SMIM13: variants seen among roughly 807,000 people sequenced by gnomAD.
SMIM13 encodes UPF0766 protein C6orf228.
A neutral mutation model predicts 5.9 loss-of-function variants in SMIM13; 3 were observed. That is an observed-to-expected ratio of 0.51 (90% CI 0.23 to 1.31). SMIM13 has a LOEUF of 1.31. Among genes scored for constraint, SMIM13 ranks in the 40% most tolerant of loss-of-function variants. SMIM13 has a pLI of 0.18. For synonymous variants in SMIM13, 55 were observed against 46.0 expected, an observed-to-expected ratio of 1.19 and a Z score of -0.79; for missense variants, 85 against 109.9, an observed-to-expected ratio of 0.77 and a Z score of 1.01.
At chr6:11,125,294 TAAAA>T (rs34260357) in intron 1 of SMIM13, among the ~76,000 whole-genome samples, 1 of 105,192 alleles carries the variant, frequency 9.5e-6, no homozygotes. Context: ...GACTCCATCT[TAAAA>T]AAAAAAAAAA....
chr6:11,104,348 A>T, intron 1 of SMIM13: 1 of 1,551,766 alleles, frequency 6.4e-7, no homozygotes, highest in South Asian at 1.2e-5. Context: ...CTGGGGTTAC[A>T]TAGCCTATGG....
Position 11,135,166 on chromosome 6 carries a change from T to G in SMIM13, c.*564T>G, listed in dbSNP as rs1758503281. The G allele has an allele frequency of 6.6e-6, 1 of 152,592 alleles. No homozygotes were observed. The highest frequency in any genetic ancestry group is 2.1e-4 in the South Asian group (1 of 4,830). The allele number at this position is 152,592 out of a possible 1,614,324, so 9.5% of individuals were successfully genotyped here. A position where few individuals can be genotyped will look rare whatever the true frequency, so the allele number is the denominator to read the frequency against. On this transcript the variant is annotated 3_prime_UTR_variant, in exon 2 of 2. Coordinates refer to ENST00000416247, the MANE Select transcript of SMIM13 (RefSeq NM_001135575.2). ...AGCATTGAAACGAAAAGTTATTGTG[T>G]ATGCAGAAAAGCATGGAAACAGAGC...
At chr6:11,119,378 G>T (rs1178062085) in intron 1 of SMIM13, among the ~76,000 whole-genome samples, 1 of 152,090 alleles carries the variant, frequency 6.6e-6, no homozygotes, top group East Asian at 1.9e-4. Context: ...CCTCGGGCCG[G>T]GCTCGGTGGC....
Position 11,133,525 on chromosome 6 carries a change from CAG to C in SMIM13, c.77-875_77-874del, listed in dbSNP as rs980321103. 3.9e-5 allele frequency among the ~76,000 whole-genome samples: 6 copies of C among 152,096 alleles called. No homozygotes were observed. The South Asian group carries it at 8.3e-4, about 21-fold the overall frequency. Reference sequence around the variant, plus strand: ...GTGTTTCATTTCTATTCTATGCAACCAGAGTCTTTAAAGTAGACAGCATCAAG... The same window carrying C: ...GTGTTTCATTTCTATTCTATGCAACCAGTCTTTAAAGTAGACAGCATCAAG... On this transcript the variant is annotated intron_variant, in intron 1 of 1. Transcript: ENST00000416247.
intron 1 of SMIM13, chr6:11,105,145 T>C: frequency 3.7e-6 from 6 of 1,614,208 alleles, no homozygotes; most frequent in Non-Finnish European, 5.1e-6. Context: ...GGATAAGCTG[T>C]CCCTGGTGTT....
At chr6:11,123,044 C>T (rs973763536) in intron 1 of SMIM13, among the ~76,000 whole-genome samples, 4 of 152,104 alleles carry the variant, frequency 2.6e-5, no homozygotes, top group Admixed American at 1.3e-4. Context: ...CCTATCTCTA[C>T]AGTAAATAAA....
chr6:11,125,352 T>C (rs1758364934), intron 1 of SMIM13, among the ~76,000 whole-genome samples: 1 of 149,776 alleles, frequency 6.7e-6, no homozygotes, highest in African/African-American at 2.5e-5. Flanking sequence ...TTCCAGCACT[T>C]TGGGAGGCCA....
At position 11,134,614 on chromosome 6, in the gene SMIM13, T is replaced by C. The variant is rs763582356; in HGVS notation, c.*12T>C. 24 of 1,455,974 alleles carry C rather than the reference T, an allele frequency of 1.6e-5. No individual in the cohort carries two copies. Among genetic ancestry groups the C allele is most frequent in the Non-Finnish European group, 2.0e-5 (22 of 1,096,762 alleles). The allele number at this position is 1,455,974 out of a possible 1,614,324, so 90.2% of individuals were successfully genotyped here. On this transcript the variant is annotated 3_prime_UTR_variant, in exon 2 of 2. Transcript: ENST00000416247. ...GACCCCTGACATAGTCCTGTACTTG[T>C]GAAGGATGAAAAGGCAGTTGCCAGC...
intron 1 of SMIM13, among the ~76,000 whole-genome samples, chr6:11,107,693 G>A (rs1006653035): frequency 6.6e-6 from 1 of 152,176 alleles, no homozygotes; most frequent in African/African-American, 2.4e-5. Flanking sequence ...ATATGAGTTG[G>A]GGATCATTGG....
At chr6:11,098,676 A>T (rs924501298) in intron 1 of SMIM13, among the ~76,000 whole-genome samples, 5 of 152,138 alleles carry the variant, frequency 3.3e-5, no homozygotes, top group African/African-American at 1.2e-4. Flanking sequence ...CAGGTGATCC[A>T]CTTGCCCCGG....
intron 1 of SMIM13, among the ~76,000 whole-genome samples, chr6:11,114,712 C>G (rs893757816): frequency 6.7e-6 from 1 of 148,634 alleles, no homozygotes; most frequent in Non-Finnish European, 1.5e-5. Context: ...GATTCTCGTG[C>G]CTCAGCCTCC....
chr6:11,116,254 G>A (rs1758239049), intron 1 of SMIM13, among the ~76,000 whole-genome samples: 1 of 152,110 alleles, frequency 6.6e-6, no homozygotes, highest in Non-Finnish European at 1.5e-5. Flanking sequence ...CTGGGCCTCA[G>A]GTGATCCGCC....
At chr6:11,128,103 A>G (rs1478588644) in intron 1 of SMIM13, among the ~76,000 whole-genome samples, 4 of 152,136 alleles carry the variant, frequency 2.6e-5, no homozygotes, top group African/African-American at 9.7e-5. Context: ...CCGCATAGCC[A>G]CCACAGCTCA....
chr6:11,114,592 C>CTT (rs58585640), intron 1 of SMIM13, among the ~76,000 whole-genome samples: 1,132 of 22,016 alleles, frequency 0.051, 52 homozygotes, highest in African/African-American at 0.057. Flanking sequence ...CACTTTTTCT[C>CTT]TTTTTTTTTT....
At chr6:11,127,144 C>T (rs755652763) in intron 1 of SMIM13, among the ~76,000 whole-genome samples, 3 of 152,202 alleles carry the variant, frequency 2.0e-5, no homozygotes, top group Non-Finnish European at 4.4e-5. Flanking sequence ...CTGGCTGCCA[C>T]TTACGTTTGC....
At chr6:11,119,034 A>G (rs1402127911) in intron 1 of SMIM13, among the ~76,000 whole-genome samples, 1 of 152,198 alleles carries the variant, frequency 6.6e-6, no homozygotes, top group Non-Finnish European at 1.5e-5. Context: ...AGATACAAGG[A>G]TGTGATCTAG....
At position 11,138,554 on chromosome 6, in the gene SMIM13, A is replaced by C. The variant is rs1323296375; in HGVS notation, c.*3952A>C. 2 of 152,062 alleles carry C rather than the reference A, an allele frequency of 1.3e-5. No individual in the cohort carries two copies. The highest frequency in any genetic ancestry group is 2.4e-5 in the African/African-American group (1 of 41,426). 9.4% of individuals were successfully genotyped at this position (152,062 alleles called of 1,614,324 possible). Reference sequence around the variant, plus strand: ...AATAGGTTTATAAATAATTAGAATTACGTGTTTTAATAGTACCTTTGTATA... The same window carrying C: ...AATAGGTTTATAAATAATTAGAATTCCGTGTTTTAATAGTACCTTTGTATA... On this transcript the variant is annotated 3_prime_UTR_variant, in exon 2 of 2. Transcript: ENST00000416247.
chr6:11,133,880 T>G (rs1758484603), intron 1 of SMIM13, among the ~76,000 whole-genome samples: 1 of 152,152 alleles, frequency 6.6e-6, no homozygotes, highest in Non-Finnish European at 1.5e-5. Flanking sequence ...TCATATAATT[T>G]AAGAAAATGT....
At chr6:11,118,566 G>A (rs1056999296) in intron 1 of SMIM13, among the ~76,000 whole-genome samples, 3 of 152,196 alleles carry the variant, frequency 2.0e-5, no homozygotes, top group Non-Finnish European at 4.4e-5. Context: ...TCATAGGGAA[G>A]GTGGTCAGTA....
Sources: allele counts gnomAD v4.1 joint callset (sites outside exome capture counted in the v4.1 genomes callset), GRCh38; gene constraint gnomAD v4.1.1; transcripts MANE v1.5; gene names NCBI Gene and HGNC (gene_info 2026-07-23, HGNC 2026-07-21).